Variants in PTPRD observed in about 807,000 individuals in gnomAD.
The protein encoded by PTPRD is receptor-type tyrosine-protein phosphatase delta.
PTPRD carries 34 observed loss-of-function variants against 214.5 expected under a neutral mutation model. The observed-to-expected ratio is 0.16, with a 90% CI of 0.12 to 0.21. PTPRD has a LOEUF of 0.21. PTPRD is among the 10% of genes least tolerant of loss of function. PTPRD has a pLI of 1.00. For missense variants in PTPRD, 2,545 were observed against 2,398.7 expected (o/e 1.06, Z -1.27); for synonymous variants, 1,128 against 845.7 (o/e 1.33, Z -5.79).
At chr9:10,085,614 G>T (rs2098323873) in intron 3 of PTPRD, among the ~76,000 whole-genome samples, 1 of 150,268 alleles carries the variant, frequency 6.7e-6, no homozygotes, top group South Asian at 2.1e-4. Flanking sequence ...GAGAAGAAAA[G>T]TGAGAGACTC....
intron 10 of PTPRD, among the ~76,000 whole-genome samples, chr9:9,085,290 T>C (rs1167489438): frequency 6.6e-6 from 1 of 152,214 alleles, no homozygotes; most frequent in Admixed American, 6.5e-5. Flanking sequence ...CTAGAATAAA[T>C]ATTCTACTTT....
At chr9:10,113,648 G>A (rs1370434388) in intron 3 of PTPRD, among the ~76,000 whole-genome samples, 2 of 152,126 alleles carry the variant, frequency 1.3e-5, no homozygotes, top group African/African-American at 4.8e-5. Context: ...CTGTTTACAA[G>A]TGCCTCCAGA....
At chr9:8,956,101 C>A (rs1283839821) in intron 11 of PTPRD, among the ~76,000 whole-genome samples, 3 of 151,896 alleles carry the variant, frequency 2.0e-5, no homozygotes, top group African/African-American at 7.2e-5. Flanking sequence ...CTCAATCTTT[C>A]CAGCAGCAAT....
At chr9:8,892,583 GTA>G (rs1319644022) in intron 11 of PTPRD, among the ~76,000 whole-genome samples, 42 of 141,774 alleles carry the variant, frequency 3.0e-4, no homozygotes, top group African/African-American at 8.8e-4. Context: ...ATATATGTGT[GTA>G]TATATATGTG....
chr9:10,026,877 A>G (rs1286311424), intron 4 of PTPRD, among the ~76,000 whole-genome samples: 1 of 152,152 alleles, frequency 6.6e-6, no homozygotes, highest in Non-Finnish European at 1.5e-5. Flanking sequence ...CAAAAAAAAA[A>G]AAAAGACGTG....
At chr9:9,861,228 G>C (rs1027658321) in intron 5 of PTPRD, among the ~76,000 whole-genome samples, 7 of 152,100 alleles carry the variant, frequency 4.6e-5, no homozygotes, top group African/African-American at 1.2e-4. Context: ...AGTTACTGCA[G>C]TGAGACTCAC....
chr9:8,573,575 C>A (rs527689704), intron 14 of PTPRD, among the ~76,000 whole-genome samples: 2 of 151,906 alleles, frequency 1.3e-5, no homozygotes, highest in South Asian at 2.1e-4. Context: ...TCATTTTTTT[C>A]TCAATTAAAA....
chr9:9,377,330 T>C (rs1284574360), intron 9 of PTPRD, among the ~76,000 whole-genome samples: 1 of 152,110 alleles, frequency 6.6e-6, no homozygotes, highest in Non-Finnish European at 1.5e-5. Flanking sequence ...CTTCCTGGTA[T>C]AGAATGCCAC....
rs1310632570 is a variant in PTPRD at position 10,060,876 on chromosome 9, C to T, written c.-544-27086G>A. ...TTCTTTCTTCCTTCCTTCTTTCCTT[C>T]CTTCCTTCCTTCCTTCCTTCCTTCT... On this transcript the variant is annotated intron_variant, in intron 3 of 45. Coordinates refer to ENST00000381196, the MANE Select transcript of PTPRD (RefSeq NM_002839.4). 4.2e-4 allele frequency among the ~76,000 whole-genome samples: 29 copies of T among 68,450 alleles called. No homozygotes were observed. The African/African-American group carries it at 4.4e-3, about 10-fold the overall frequency. 44.9% of individuals were successfully genotyped at this position (68,450 alleles called of 152,430 possible).
chr9:9,246,148 G>T (rs773961759), intron 9 of PTPRD, among the ~76,000 whole-genome samples: 10 of 152,168 alleles, frequency 6.6e-5, no homozygotes, highest in Non-Finnish European at 1.3e-4. Context: ...TAGAAGAAAG[G>T]TAGAGTGAAT....
chr9:9,278,645 T>G (rs1477658676), intron 9 of PTPRD, among the ~76,000 whole-genome samples: 1 of 151,284 alleles, frequency 6.6e-6, no homozygotes, highest in African/African-American at 2.4e-5. Context: ...TTACAGTATG[T>G]GGTTGGCCTG....
At chr9:9,326,221 C>T (rs1314606877) in intron 9 of PTPRD, among the ~76,000 whole-genome samples, 2 of 152,016 alleles carry the variant, frequency 1.3e-5, no homozygotes, top group Non-Finnish European at 2.9e-5. Context: ...TATCTTTTAG[C>T]TTTGGATACT....
At position 9,761,308 on chromosome 9, in the gene PTPRD, T is replaced by C. The variant is rs565158226; in HGVS notation, c.-326+5502A>G. 3.9e-5 allele frequency among the ~76,000 whole-genome samples: 6 copies of C among 152,326 alleles called. No homozygotes were observed. The South Asian group carries it at 1.2e-3, about 32-fold the overall frequency. ...ATCCCAAAAGGTATGATTCCATTTA[T>C]ATATCATGTTTAAAATGACAACATT... On this transcript the variant is annotated intron_variant, in intron 6 of 45. Coordinates refer to ENST00000381196, the MANE Select transcript of PTPRD (RefSeq NM_002839.4).
At chr9:8,501,368 A>T (rs1592143527) in intron 23 of PTPRD, among the ~76,000 whole-genome samples, 1 of 152,296 alleles carries the variant, frequency 6.6e-6, no homozygotes, top group East Asian at 1.9e-4. Context: ...AAATTCTTCT[A>T]AACCAATCCC....
At chr9:9,681,698 C>T (rs984521462) in intron 7 of PTPRD, among the ~76,000 whole-genome samples, 1 of 151,730 alleles carries the variant, frequency 6.6e-6, no homozygotes, top group Non-Finnish European at 1.5e-5. Context: ...CATGTTATCC[C>T]TGTGCAGCAA....
intron 5 of PTPRD, among the ~76,000 whole-genome samples, chr9:9,783,250 T>C (rs2098875384): frequency 6.6e-6 from 1 of 152,230 alleles, no homozygotes; most frequent in South Asian, 2.1e-4. Flanking sequence ...TGCATTTGTA[T>C]ATTTTTTTAC....
chr9:9,181,312 A>G (rs1044040084), intron 10 of PTPRD, among the ~76,000 whole-genome samples: 5 of 151,938 alleles, frequency 3.3e-5, no homozygotes, highest in Non-Finnish European at 7.4e-5. Context: ...TACAGTTAGA[A>G]AAAAAGCCTT....
intron 4 of PTPRD, among the ~76,000 whole-genome samples, chr9:9,963,263 T>C (rs760172410): frequency 2.0e-5 from 3 of 152,104 alleles, no homozygotes; most frequent in East Asian, 3.9e-4. Flanking sequence ...TTAAACACAA[T>C]TGTATGTACC....
chr9:10,387,898 C>T (rs1285111729), intron 2 of PTPRD, among the ~76,000 whole-genome samples: 1 of 132,260 alleles, frequency 7.6e-6, no homozygotes, highest in Non-Finnish European at 1.5e-5. Flanking sequence ...TTGGCTCAAG[C>T]ACTCTGCCTG....
Sources: gnomAD v4.1 joint callset for allele counts (sites outside exome capture counted in the v4.1 genomes callset) on GRCh38, gnomAD v4.1.1 for gene constraint, MANE v1.5 for transcripts, NCBI Gene and HGNC (gene_info 2026-07-23, HGNC 2026-07-21) for gene names.